Variants in NF1 observed in about 807,000 individuals in gnomAD.
NF1 encodes neurofibromin.
A neutral mutation model predicts 325.7 loss-of-function variants in NF1; 122 were observed. The observed-to-expected ratio is 0.37, with a 90% confidence interval of 0.32 to 0.44. NF1 has a LOEUF of 0.44. Ranked by LOEUF, NF1 falls within the 20% of genes least tolerant of loss-of-function variation. The pLI is 1.00. For missense variants in NF1, 2,140 were observed against 3,415.4 expected, an observed-to-expected ratio of 0.63 and a Z score of 9.31; for synonymous variants, 1,091 against 1,186.0, an observed-to-expected ratio of 0.92 and a Z score of 1.65.
intron 1 of NF1, among the ~76,000 whole-genome samples, chr17:31,106,739 C>A (rs1479778608): frequency 6.6e-6 from 1 of 152,156 alleles, no homozygotes; most frequent in Non-Finnish European, 1.5e-5. Context: ...CTCCTGGTCA[C>A]TTTATCAAAA....
chr17:31,332,810 T>C lies in NF1; in HGVS notation c.5813-2028T>C, dbSNP rs1010769851. 5.4e-5 allele frequency among the ~76,000 whole-genome samples: 4 copies of C among 73,710 alleles called. 1 individual carries two copies. The highest frequency in any genetic ancestry group is 5.4e-4 in the Admixed American group (4 of 7,466). 48.4% of individuals were successfully genotyped at this position (73,710 alleles called of 152,430 possible). ...GATCTCATTGTTCAATTCCCACCTA[T>C]GAGTGAGAATATGCGGTGTTTGGTT... On this transcript the variant is annotated intron_variant, in intron 39 of 57. Transcript: ENST00000358273.
intron 36 of NF1, among the ~76,000 whole-genome samples, chr17:31,325,541 C>T (rs910030006): frequency 1.3e-5 from 2 of 152,186 alleles, no homozygotes; most frequent in Admixed American, 1.3e-4. Flanking sequence ...TGCAGGCAAC[C>T]AACTAATTCC....
chr17:31,112,619 T>A (rs1043902042), intron 1 of NF1, among the ~76,000 whole-genome samples: 10 of 152,164 alleles, frequency 6.6e-5, no homozygotes, highest in Admixed American at 5.9e-4. Flanking sequence ...TGCCCATTTT[T>A]AAAAAATTGG....
chr17:31,173,754 G>T (rs2065972122), intron 5 of NF1, among the ~76,000 whole-genome samples: 1 of 152,204 alleles, frequency 6.6e-6, no homozygotes, highest in African/African-American at 2.4e-5. Context: ...CCAGGAAAAT[G>T]ATAAATTCAG....
chr17:31,377,165 T>TCA lies in NF1; in HGVS notation c.*3011_*3012dup, dbSNP rs2070743718. On this transcript the variant is annotated 3_prime_UTR_variant, in exon 58 of 58. Transcript: ENST00000358273. ...TTTAGGCAAAAATTCATTCTTAGTG[T>TCA]CAGCCACACAATTTTTTTTAATGCA... 4.3e-6 allele frequency: 1 copy of TCA among 233,540 alleles called. No homozygotes were observed. The highest frequency in any genetic ancestry group is 8.5e-6 in the Non-Finnish European group (1 of 118,024). 14.5% of individuals were successfully genotyped at this position (233,540 alleles called of 1,614,324 possible). A position where few individuals can be genotyped will look rare whatever the true frequency, so the allele number is the denominator to read the frequency against.
chr17:31,152,461 A>G (rs1176626628), intron 1 of NF1, among the ~76,000 whole-genome samples: 1 of 141,116 alleles, frequency 7.1e-6, no homozygotes, highest in Non-Finnish European at 1.6e-5. Flanking sequence ...TTCTTTTTCT[A>G]TCTTTTTTTG....
intron 12 of NF1, among the ~76,000 whole-genome samples, chr17:31,212,638 A>G (rs571243433): frequency 6.6e-6 from 1 of 152,186 alleles, no homozygotes; most frequent in South Asian, 2.1e-4. Context: ...TGAACCCGGG[A>G]GGCAGAGGTT....
chr17:31,181,570 A>T, intron 6 of NF1, 81 bp downstream of exon 6: 1 of 1,399,878 alleles, frequency 7.1e-7, no homozygotes, highest in Admixed American at 1.7e-5. Context: ...TCAAAAAGTT[A>T]TGACTTGAGT....
chr17:31,199,513 A>G (rs1413565830), intron 8 of NF1, among the ~76,000 whole-genome samples: 2 of 152,188 alleles, frequency 1.3e-5, no homozygotes, highest in Non-Finnish European at 2.9e-5. Flanking sequence ...AGAATGTTCC[A>G]TGTACACTTG....
intron 1 of NF1, among the ~76,000 whole-genome samples, chr17:31,099,047 CCTT>C (rs1315911955): frequency 2.0e-5 from 3 of 151,524 alleles, no homozygotes; most frequent in African/African-American, 4.8e-5. Context: ...GTTAAGCTTT[CCTT>C]CTTATTACAG....
intron 36 of NF1, chr17:31,278,365 C>G (rs568536056): frequency 6.8e-6 from 1 of 146,622 alleles, no homozygotes; most frequent in East Asian, 2.0e-4. Context: ...GTCCAGTTTT[C>G]CCTTCTGTAA....
intron 11 of NF1, among the ~76,000 whole-genome samples, chr17:31,202,589 C>T (rs1035194496): frequency 3.9e-5 from 6 of 152,122 alleles, no homozygotes; most frequent in Non-Finnish European, 7.3e-5. Context: ...CCTTTAAGAT[C>T]GTCTGGCCTC....
intron 22 of NF1, 100 bp from the exon 23 acceptor site, chr17:31,230,160 A>G: frequency 6.8e-7 from 1 of 1,461,690 alleles, no homozygotes; most frequent in South Asian, 1.2e-5. Flanking sequence ...TTGTTTTCAA[A>G]CTTACATTTA....
chr17:31,236,007 A>G lies in NF1; in HGVS notation c.3960A>G (p.Glu1320=), dbSNP rs1555615564. 9 of 1,613,314 alleles carry G rather than the reference A, an allele frequency of 5.6e-6. No homozygotes were observed. The highest frequency in any genetic ancestry group is 7.6e-6 in the Non-Finnish European group (9 of 1,179,634). Residue 1320 remains glutamate (E), a synonymous_variant, in exon 29 of 58, where the codon GAA becomes GAG. Coordinates refer to ENST00000358273, the MANE Select transcript of NF1 (RefSeq NM_001042492.3). ...CTGATTGGCAACATGTTAGCTTTGA[A>G]GTGGATCCTACCAGGTTTGTCATCT... ...TSSDWQHVSF[E]VDPTRLEPSE... is the part of the protein sequence containing the mutation.
At chr17:31,126,656 G>T (rs538926564) in intron 1 of NF1, among the ~76,000 whole-genome samples, 131 of 152,044 alleles carry the variant, frequency 8.6e-4, no homozygotes, top group African/African-American at 3.0e-3. Context: ...TCCCCAGGCT[G>T]GTCTTGAATT....
At chr17:31,301,069 A>AT (rs1212572633) in intron 36 of NF1, among the ~76,000 whole-genome samples, 3 of 149,974 alleles carry the variant, frequency 2.0e-5, no homozygotes, top group South Asian at 2.1e-4. Flanking sequence ...TTAAGTTTTA[A>AT]TTTTTTTTTC....
intron 36 of NF1, chr17:31,317,572 T>C (rs1410743576): frequency 6.6e-6 from 1 of 152,218 alleles, no homozygotes; most frequent in East Asian, 1.9e-4. Flanking sequence ...TTGGTGTGGC[T>C]ATAAATCTTA....
At chr17:31,229,796 A>T (rs1199554031) in intron 21 of NF1, 39 bp from the exon 22 acceptor site, 2 of 1,610,836 alleles carry the variant, frequency 1.2e-6, no homozygotes, top group Non-Finnish European at 1.7e-6. Context: ...TCTTCTGGGC[A>T]TTGATGGCAA....
At chr17:31,363,512 C>T (rs1182620436) in intron 57 of NF1, among the ~76,000 whole-genome samples, 1 of 148,652 alleles carries the variant, frequency 6.7e-6, no homozygotes, top group Non-Finnish European at 1.5e-5. Flanking sequence ...TCTCGACTCA[C>T]TGCAACCTCT....
Sources: gnomAD v4.1 joint callset for allele counts (sites outside exome capture counted in the v4.1 genomes callset) on GRCh38, gnomAD v4.1.1 for gene constraint, MANE v1.5 for transcripts, NCBI Gene and HGNC (gene_info 2026-07-23, HGNC 2026-07-21) for gene names.